Variants in CEP290 observed in about 807,000 individuals in gnomAD.
CEP290 encodes centrosomal protein of 290 kDa.
CEP290 carries 317 observed loss-of-function variants against 344.9 expected under a neutral mutation model. The ratio of observed to expected loss-of-function variants is 0.92; its 90% confidence interval spans 0.84 to 1.01. CEP290 has a LOEUF of 1.01. CEP290 is among the 50% of genes least tolerant of loss of function. The pLI is 0.00. For synonymous variants in CEP290, 932 were observed against 895.8 expected (o/e 1.04, Z -0.72); for missense variants, 2,754 against 2,761.4 (o/e 1.00, Z 0.06).
chr12:88,097,155 T>A (rs1230921675), intron 26 of CEP290, among the ~76,000 whole-genome samples, 156 bp from the exon 27 acceptor site: 1 of 152,122 alleles, frequency 6.6e-6, no homozygotes, highest in African/African-American at 2.4e-5. Context: ...CATGTATGCA[T>A]ACAAACACAT....
intron 53 of CEP290, 133 bp from the exon 54 acceptor site, chr12:88,049,547 A>AATT: frequency 1.6e-6 from 1 of 611,854 alleles, no homozygotes; most frequent in South Asian, 2.1e-5. Flanking sequence ...AAGGCAGAAG[A>AATT]ATTAAGATTT....
chr12:88,084,000 C>T, intron 35 of CEP290, 46 bp from the exon 36 acceptor site: 2 of 1,205,514 alleles, frequency 1.7e-6, no homozygotes, highest in South Asian at 1.4e-5. Context: ...GTGATTAAAA[C>T]AAATTCACAT....
In CEP290 at chr12:88,087,798, T is replaced by A; in HGVS notation, c.4176A>T (p.Glu1392Asp). The A allele has an allele frequency of 7.8e-7, 1 of 1,274,550 alleles. No individual in the cohort carries two copies. Among genetic ancestry groups the A allele is most frequent in the Non-Finnish European group, 1.0e-6 (1 of 987,416 alleles). The allele number at this position is 1,274,550 out of a possible 1,614,324, so 79.0% of individuals were successfully genotyped here. ...ATAAAACCTTGTTCTGTTGCACAAT[T>A]TCTTCTTCAAGACTGCTGATTGTAC... is the stretch of plus-strand genomic sequence containing the variant. Reference protein sequence around the residue: ...YERTISSLEEEIVQQNKFHEE... With the variant: ...YERTISSLEEDIVQQNKFHEE... Residue 1392 changes from glutamate to aspartate, a missense_variant, in exon 32 of 54, where the codon GAA becomes GAT. Glu to Asp is a conservative substitution (Grantham distance 45). Coordinates refer to ENST00000552810, the MANE Select transcript of CEP290 (RefSeq NM_025114.4).
intron 25 of CEP290, among the ~76,000 whole-genome samples, chr12:88,104,908 A>C (rs2038162541): frequency 1.3e-5 from 2 of 152,184 alleles, no homozygotes; most frequent in Admixed American, 6.5e-5. Flanking sequence ...AAAGAAGCTT[A>C]GTAAAAATCC....
intron 41 of CEP290, among the ~76,000 whole-genome samples, chr12:88,076,857 A>G (rs1436967788): frequency 2.0e-5 from 3 of 152,008 alleles, no homozygotes; most frequent in Non-Finnish European, 4.4e-5. Context: ...TTCTGTCCCA[A>G]AAGTCAAAAG....
intron 46 of CEP290, among the ~76,000 whole-genome samples, chr12:88,061,679 T>C (rs1211433667): frequency 6.6e-6 from 1 of 152,202 alleles, no homozygotes; most frequent in African/African-American, 2.4e-5. Context: ...TAGTATGCAC[T>C]TTCATAATTA....
At chr12:88,080,103 T>A (rs1328930273) in intron 38 of CEP290, 79 bp downstream of exon 38, 12 of 940,838 alleles carry the variant, frequency 1.3e-5, no homozygotes, top group Non-Finnish European at 1.6e-5. Flanking sequence ...TACCATCTTT[T>A]ATAAATTTAC....
intron 45 of CEP290, 94 bp downstream of exon 45, chr12:88,063,886 AT>A (rs2034682685): frequency 9.5e-7 from 1 of 1,054,316 alleles, no homozygotes; most frequent in Non-Finnish European, 1.3e-6. Flanking sequence ...AGGAATATGC[AT>A]TTTTGACTTC....
At position 88,109,135 on chromosome 12, in the gene CEP290, A is replaced by G. The variant is rs762633090; in HGVS notation, c.2414T>C (p.Leu805Pro). The part of the protein sequence containing the change: ...EKKLKNLEDS[L>P]EDYNRKFAVI... Reference sequence around the variant, plus strand: ...AGCAAATTTTCTGTTGTAATCTTCAAGAGAATCTTCTAAATTCTTTAACTT... The same window carrying G: ...AGCAAATTTTCTGTTGTAATCTTCAGGAGAATCTTCTAAATTCTTTAACTT... Residue 805 changes from leucine to proline, a missense_variant, in exon 23 of 54, where the codon CTT (leucine) becomes CCT (proline). Coordinates refer to ENST00000552810, the MANE Select transcript of CEP290 (RefSeq NM_025114.4). The G allele has an allele frequency of 1.4e-5, 21 of 1,464,678 alleles. No individual in the cohort carries two copies. Among genetic ancestry groups the G allele is most frequent in the Non-Finnish European group, 1.8e-5 (20 of 1,092,848 alleles). 90.7% of individuals were successfully genotyped at this position (1,464,678 alleles called of 1,614,324 possible). A position where few individuals can be genotyped will look rare whatever the true frequency, so the allele number is the denominator to read the frequency against.
In CEP290 at chr12:88,139,201, T is replaced by TAA; in HGVS notation, c.251-12_251-11dup. The TAA allele has an allele frequency of 3.7e-6, 4 of 1,086,496 alleles. No homozygotes were observed. Among genetic ancestry groups the TAA allele is most frequent in the Non-Finnish European group, 3.8e-6 (3 of 781,956 alleles). 67.3% of individuals were successfully genotyped at this position (1,086,496 alleles called of 1,614,324 possible). A position where few individuals can be genotyped will look rare whatever the true frequency, so the allele number is the denominator to read the frequency against. On this transcript the variant is annotated splice_polypyrimidine_tract_variant and intron_variant, in intron 4 of 53. Transcript: ENST00000552810. ...GTTTTTAATTGATTTTCTATTTTTTTAAAAAAAAAGAAAAACGTTTTAATT... is the reference window on the plus strand; with the variant it reads ...GTTTTTAATTGATTTTCTATTTTTTTAAAAAAAAAAAGAAAAACGTTTTAATT...
chr12:88,124,863 A>G (rs2039636880), intron 13 of CEP290, among the ~76,000 whole-genome samples: 1 of 152,074 alleles, frequency 6.6e-6, no homozygotes, highest in Non-Finnish European at 1.5e-5. Context: ...AATTTGGGTA[A>G]GATTAATGTG....
rs370622537 is a variant in CEP290 at position 88,093,944 on chromosome 12, T to C, written c.3135A>G (p.Lys1045=). Residue 1045 remains lysine, a synonymous_variant, in exon 28 of 54, where the codon AAA becomes AAG. Coordinates refer to ENST00000552810, the MANE Select transcript of CEP290 (RefSeq NM_025114.4). ...AAACAATGTCACTGTTGGTTATTGA[T>C]TTCTTTGCCTTATCCATGCTAGATT... ...GNESSMDKAK[K]SITNSDIVSI... 39 of 1,611,768 alleles carry C rather than the reference T, an allele frequency of 2.4e-5. No homozygotes were observed. The African/African-American group carries it at 4.1e-4, about 17-fold the overall frequency.
rs191369238 is a variant in CEP290 at position 88,083,021 on chromosome 12, G to A, written c.5012+10C>T. On this transcript the variant is annotated intron_variant, in intron 37 of 53. Transcript: ENST00000552810. The stretch of plus-strand genomic sequence containing the variant: ...TTTGCCTATTTTTACAATACATTTC[G>A]AAGACTTACTGTAATTTGATATTTT... 4.3e-5 allele frequency: 61 copies of A among 1,418,828 alleles called. No individual in the cohort carries two copies. The highest frequency in any genetic ancestry group is 3.7e-4 in the Middle Eastern group (2 of 5,426). 87.9% of individuals were successfully genotyped at this position (1,418,828 alleles called of 1,614,324 possible). A position where few individuals can be genotyped will look rare whatever the true frequency, so the allele number is the denominator to read the frequency against.
chr12:88,076,360 A>G (rs2035772172), intron 41 of CEP290, among the ~76,000 whole-genome samples: 1 of 152,176 alleles, frequency 6.6e-6, no homozygotes, highest in South Asian at 2.1e-4. Flanking sequence ...ATGCCTTTAA[A>G]GACAGAATTT....
rs1265466392 is a variant in CEP290 at position 88,060,077 on chromosome 12, G to A, written c.6523-57C>T. On this transcript the variant is annotated intron_variant, in intron 47 of 53. Transcript: ENST00000552810. ...ACATTATCAAAACAAGGAAATAAAA[G>A]ATAATCTTATAAACTCATAAATCTT... 9.0e-6 allele frequency: 12 copies of A among 1,340,480 alleles called. No homozygotes were observed. In the East Asian group the frequency reaches 2.8e-4, roughly 32 times the overall value. The allele number at this position is 1,340,480 out of a possible 1,614,324, so 83.0% of individuals were successfully genotyped here.
At chr12:88,106,393 G>C (rs1189960722) in intron 25 of CEP290, among the ~76,000 whole-genome samples, 1 of 151,942 alleles carries the variant, frequency 6.6e-6, no homozygotes, top group African/African-American at 2.4e-5. Flanking sequence ...CTATAATCAG[G>C]GTATTAGGCG....
Position 88,080,413 on chromosome 12 carries a change from ATGTG to A in CEP290, c.5013-22_5013-19del. On this transcript the variant is annotated intron_variant, in intron 37 of 53. Coordinates refer to ENST00000552810, the MANE Select transcript of CEP290 (RefSeq NM_025114.4). ...CTTGAAGCCTGATGTAAATAAACATATGTGTGTGTGTGTTTTTTAATTTTTAATT... is the reference window on the plus strand; with the variant it reads ...CTTGAAGCCTGATGTAAATAAACATATGTGTGTGTTTTTTAATTTTTAATT... The A allele has an allele frequency of 6.4e-7, 1 of 1,564,990 alleles. No homozygotes were observed. The highest frequency in any genetic ancestry group is 8.8e-7 in the Non-Finnish European group (1 of 1,142,488).
rs941772025 is a variant in CEP290 at position 88,088,324 on chromosome 12, T to C, written c.4030-380A>G. ...GTAGTTGCAAGATAATTATTTTTCA[T>C]TTAATTCTTTCTAAATGAAGATTAA... On this transcript the variant is annotated intron_variant, in intron 31 of 53. Coordinates refer to ENST00000552810, the MANE Select transcript of CEP290 (RefSeq NM_025114.4). 2.0e-5 allele frequency among the ~76,000 whole-genome samples: 3 copies of C among 152,196 alleles called. No individual in the cohort carries two copies. In the East Asian group the frequency reaches 5.8e-4, roughly 29 times the overall value.
At position 88,058,952 on chromosome 12, in the gene CEP290, T is replaced by C. The variant is rs1293521533; in HGVS notation, c.6714A>G (p.Thr2238=). Residue 2238 remains threonine (T), a synonymous_variant, in exon 49 of 54, where the codon ACA becomes ACG. Coordinates refer to ENST00000552810, the MANE Select transcript of CEP290 (RefSeq NM_025114.4). The part of the protein sequence containing the change: ...NNLEILNEKM[T]VQLEETGKRL... The stretch of plus-strand genomic sequence containing the variant: ...TCTTACCAGTCTCTTCTAGTTGAAC[T>C]GTCATCTTCTCATTTAATATCTCTA... 6.2e-7 allele frequency: 1 copy of C among 1,613,580 alleles called. No individual in the cohort carries two copies. The highest frequency in any genetic ancestry group is 1.3e-5 in the African/African-American group (1 of 74,938).
Sources: gnomAD v4.1 joint callset for allele counts (sites outside exome capture counted in the v4.1 genomes callset) on GRCh38, gnomAD v4.1.1 for gene constraint, MANE v1.5 for transcripts, NCBI Gene and HGNC (gene_info 2026-07-23, HGNC 2026-07-21) for gene names.